The following APOBEC3F variants were observed in gnomAD, a reference collection of about 807,000 sequenced individuals.
The protein encoded by APOBEC3F is apolipoprotein B mRNA editing enzyme catalytic subunit 3F.
APOBEC3F carries 34 observed loss-of-function variants against 45.8 expected under a neutral mutation model. The ratio of observed to expected loss-of-function variants is 0.74; its 90% CI spans 0.57 to 0.99. The LOEUF (loss-of-function observed/expected upper bound fraction) is 0.99, where lower values mean the gene tolerates loss of function less well. APOBEC3F is among the 50% of genes least tolerant of loss of function. The probability of loss-of-function intolerance (pLI) is 0.00; values close to 1 mark genes in which losing one functional copy is unlikely to be tolerated. For missense variants in APOBEC3F, 459 were observed against 474.1 expected (o/e 0.97, Z 0.30); for synonymous variants, 192 against 174.4 (o/e 1.10, Z -0.80).
rs866257376 is a variant in APOBEC3F, at chr22:39,053,018, G to A, written c.*323G>A. 4.8e-5 allele frequency: 10 copies of A among 209,526 alleles called. No individual in the cohort carries two copies. Among genetic ancestry groups the A allele is most frequent in the Middle Eastern group, 1.9e-3 (1 of 518 alleles). The allele number at this position is 209,526 out of a possible 1,614,324, so 13.0% of individuals were successfully genotyped here. On this transcript the variant is annotated 3_prime_UTR_variant, in exon 7 of 7. Transcript: ENST00000308521. ...TTTTTTTTTTTTGAGACGGAATTTC[G>A]CTCTGTCACCCAGACTGGAGTGCAA...
chr22:39,043,529 C>T (rs142389364), intron 2 of APOBEC3F, among the ~76,000 whole-genome samples: 5,466 of 148,648 alleles, frequency 0.037, 154 homozygotes, highest in Non-Finnish European at 0.058. Flanking sequence ...AGGCTGGTCT[C>T]GAACTTCTGA....
rs567287264 is a variant in APOBEC3F at position 39,041,973 on chromosome 22, A to G, written c.18-964A>G. Among the ~76,000 whole-genome samples the G allele has an allele frequency of 3.7e-4, 57 of 152,320 alleles. 2 individuals carry two copies. The South Asian group carries it at 0.011, about 30-fold the overall frequency. On this transcript the variant is annotated intron_variant, in intron 1 of 6. Transcript: ENST00000308521. The stretch of plus-strand genomic sequence containing the variant: ...TAGTAAGAAGAGAGTCTGGTCCCCA[A>G]TGGCTCCCTCCTGCAAGGCTGGTGA...
intron 6 of APOBEC3F, 63 bp from the exon 7 acceptor site, chr22:39,052,514 A>C: frequency 6.4e-7 from 1 of 1,568,156 alleles, no homozygotes; most frequent in Non-Finnish European, 8.6e-7. Flanking sequence ...CTTGGAGGGG[A>C]GGGCCCAGGG....
intron 2 of APOBEC3F, among the ~76,000 whole-genome samples, chr22:39,043,366 T>A (rs1169626182): frequency 6.7e-6 from 1 of 149,906 alleles, no homozygotes; most frequent in African/African-American, 2.5e-5. Flanking sequence ...AATGACGCGA[T>A]CTCGGCTCAC....
chr22:39,052,988 ATT>A lies in APOBEC3F; in HGVS notation c.*308_*309del, dbSNP rs1555902859. Reference sequence around the variant, plus strand: ...TCCCATCTCCCCAGCATAACCTAATATTTTTTTTTTTTTTTTGAGACGGAATT... The same window carrying A: ...TCCCATCTCCCCAGCATAACCTAATATTTTTTTTTTTTTTGAGACGGAATT... On this transcript the variant is annotated 3_prime_UTR_variant, in exon 7 of 7. Transcript: ENST00000308521. 289 of 215,226 alleles carry A rather than the reference ATT, an allele frequency of 1.3e-3. No homozygotes were observed. The highest frequency in any genetic ancestry group is 1.6e-3 in the Non-Finnish European group (198 of 122,622). 13.3% of individuals were successfully genotyped at this position (215,226 alleles called of 1,614,324 possible).
Position 39,054,372 on chromosome 22 carries a change from C to T in APOBEC3F, c.*1677C>T, listed in dbSNP as rs562893619. On this transcript the variant is annotated 3_prime_UTR_variant, in exon 7 of 7. Transcript: ENST00000308521. ...TAAGCCTCCCAAGTAGCTGGGATTA[C>T]ATGCGCGTGCCACCACGCCTAGCTA... Among the ~76,000 whole-genome samples, 8 of 152,312 alleles carry T rather than the reference C, an allele frequency of 5.3e-5. No individual in the cohort carries two copies. The highest frequency in any genetic ancestry group is 3.4e-3 in the Middle Eastern group (1 of 294).
In APOBEC3F at chr22:39,043,015, C is replaced by T. The variant is rs569605335; in HGVS notation, c.96C>T (p.Thr32=). The part of the protein sequence containing the change: ...YNRPILSRRN[T]VWLCYEVKTK... Reference sequence around the variant, plus strand: ...GACCCATCCTTTCTCGTCGGAATACCGTCTGGCTGTGCTACGAAGTGAAAA... The same window carrying T: ...GACCCATCCTTTCTCGTCGGAATACTGTCTGGCTGTGCTACGAAGTGAAAA... Residue 32 remains threonine, a synonymous_variant, in exon 2 of 7, where the codon ACC becomes ACT. Transcript: ENST00000308521. 1.1e-5 allele frequency: 17 copies of T among 1,614,166 alleles called. No homozygotes were observed. Among genetic ancestry groups the T allele is most frequent in the South Asian group, 7.7e-5 (7 of 91,086 alleles).
chr22:39,041,531 C>A (rs1315912195), intron 1 of APOBEC3F, among the ~76,000 whole-genome samples: 2 of 152,086 alleles, frequency 1.3e-5, no homozygotes, highest in African/African-American at 4.8e-5. Flanking sequence ...GCTCCTCCTC[C>A]ACTATCAGCA....
intron 2 of APOBEC3F, among the ~76,000 whole-genome samples, chr22:39,043,920 G>A (rs868034710): frequency 6.6e-6 from 1 of 152,106 alleles, no homozygotes. Flanking sequence ...AGCTACTTGG[G>A]AGGCTGAGGC....
rs753023597 is a variant in APOBEC3F, at chr22:39,045,109, A to G, written c.340A>G (p.Thr114Ala). The change falls in exon 3 of 7, where the codon ACC (threonine) becomes GCC (alanine). Residue 114 changes from threonine to alanine, a missense_variant. By Grantham distance (58) the Thr-to-Ala change is moderately conservative. Coordinates refer to ENST00000308521, the MANE Select transcript of APOBEC3F (RefSeq NM_145298.6). ...AEFLAEHPNV[T>A]LTISAARLYY... ...ATTCCTGGCTGAGCACCCCAATGTC[A>G]CCCTGACCATCTCCGCCGCCCGCCT... 6.2e-7 allele frequency: 1 copy of G among 1,612,546 alleles called. No homozygotes were observed. The highest frequency in any genetic ancestry group is 1.1e-5 in the South Asian group (1 of 90,978).
In APOBEC3F at chr22:39,047,008, T is replaced by A. The variant is rs576135050; in HGVS notation, c.566+1466T>A. The stretch of plus-strand genomic sequence containing the variant: ...TGGGTCTTAGACCGGAGGAGCAAAC[T>A]GCAAGACAGGGTGGCCGGGGACACC... On this transcript the variant is annotated intron_variant, in intron 4 of 6. Transcript: ENST00000308521. Among the ~76,000 whole-genome samples the A allele has an allele frequency of 2.0e-4, 30 of 152,164 alleles. No homozygotes were observed. In the Middle Eastern group the frequency reaches 0.017, roughly 86 times the overall value.
At position 39,052,096 on chromosome 22, in the gene APOBEC3F, A is replaced by T; in HGVS notation, c.746A>T (p.His249Leu). 1 of 1,612,414 alleles carries T rather than the reference A, an allele frequency of 6.2e-7. No individual in the cohort carries two copies. The change falls in exon 6 of 7, where the codon CAT (histidine) becomes CTT (leucine). Residue 249 changes from histidine (H) to leucine (L), a missense_variant. Transcript: ENST00000308521. ...CAGGTGGATCCTGAGACCCATTGTCATGCAGAAAGGTGCTTCCTCTCTTGG... is the reference window on the plus strand; with the variant it reads ...CAGGTGGATCCTGAGACCCATTGTCTTGCAGAAAGGTGCTTCCTCTCTTGG... ...RNQVDPETHC[H>L]AERCFLSWFC... is the part of the protein sequence containing the mutation.
chr22:39,041,093 C>T, intron 1 of APOBEC3F, 116 bp downstream of exon 1: 1 of 1,506,022 alleles, frequency 6.6e-7, no homozygotes, highest in Non-Finnish European at 8.9e-7. Context: ...GGCTCCCTCC[C>T]CTCTGGCTCC....
At chr22:39,047,419 G>A (rs547473300) in intron 4 of APOBEC3F, among the ~76,000 whole-genome samples, 1 of 152,202 alleles carries the variant, frequency 6.6e-6, no homozygotes, top group East Asian at 1.9e-4. Flanking sequence ...TGGAACAAGG[G>A]CCCTGGAAGA....
chr22:39,047,484 G>C (rs1253761289), intron 4 of APOBEC3F, among the ~76,000 whole-genome samples: 2 of 152,192 alleles, frequency 1.3e-5, no homozygotes, highest in African/African-American at 2.4e-5. Context: ...GCCTGCCAGG[G>C]AGGGTGCACA....
rs1475079359 is a variant in APOBEC3F at position 39,054,201 on chromosome 22, C to T, written c.*1506C>T. Among the ~76,000 whole-genome samples, 2 of 151,878 alleles carry T rather than the reference C, an allele frequency of 1.3e-5. No individual in the cohort carries two copies. Among genetic ancestry groups the T allele is most frequent in the Non-Finnish European group, 2.9e-5 (2 of 67,922 alleles). Reference sequence around the variant, plus strand: ...CTAATTTTTGTATTTTTCATAAAAACGGGTTTCATCATGTTTCCCAGGCTG... The same window carrying T: ...CTAATTTTTGTATTTTTCATAAAAATGGGTTTCATCATGTTTCCCAGGCTG... On this transcript the variant is annotated 3_prime_UTR_variant, in exon 7 of 7. Transcript: ENST00000308521.
At chr22:39,042,878 G>C in intron 1 of APOBEC3F, 59 bp from the exon 2 acceptor site, 1 of 1,602,554 alleles carries the variant, frequency 6.2e-7, no homozygotes, top group Non-Finnish European at 8.5e-7. Context: ...GTGGACATCA[G>C]CCCTGAGGGC....
intron 1 of APOBEC3F, among the ~76,000 whole-genome samples, chr22:39,041,591 C>T (rs1215603297): frequency 1.3e-4 from 20 of 151,964 alleles, no homozygotes; most frequent in Admixed American, 1.1e-3. Context: ...TGGCCGGGTG[C>T]GGTGGCTCAC....
Position 39,052,487 on chromosome 22 carries a change from C to T in APOBEC3F, c.1004-90C>T, listed in dbSNP as rs903522945. On this transcript the variant is annotated intron_variant, in intron 6 of 6. Transcript: ENST00000308521. ...TGGCGCCAGTGTCCACTGCAACTGGCAGTCAGGAGACCTGGGCTTGGAGGG... is the reference window on the plus strand; with the variant it reads ...TGGCGCCAGTGTCCACTGCAACTGGTAGTCAGGAGACCTGGGCTTGGAGGG... The T allele has an allele frequency of 8.3e-6, 13 of 1,567,950 alleles. 1 individual carries two copies. The African/African-American group carries it at 1.6e-4, about 20-fold the overall frequency.
Sources: allele counts gnomAD v4.1 joint callset (sites outside exome capture counted in the v4.1 genomes callset), GRCh38; gene constraint gnomAD v4.1.1; transcripts MANE v1.5; gene names NCBI Gene and HGNC (gene_info 2026-07-23, HGNC 2026-07-21).